TNFRSF14: variants seen among roughly 807,000 people sequenced by gnomAD.
The protein encoded by TNFRSF14 is TNF receptor superfamily member 14, also known as tumor necrosis factor receptor superfamily member 14.
Under a neutral mutation model 34.1 loss-of-function variants are expected in TNFRSF14, and 18 were observed. The ratio of observed to expected loss-of-function variants is 0.53; its 90% CI spans 0.36 to 0.78. The LOEUF (loss-of-function observed/expected upper bound fraction) is 0.78. TNFRSF14 is among the 30% of genes least tolerant of loss of function. TNFRSF14 has a pLI of 0.00. For missense variants in TNFRSF14, 352 were observed against 379.5 expected (o/e 0.93, Z 0.60); for synonymous variants, 157 against 153.2 (o/e 1.02, Z -0.18).
At position 2,560,607 on chromosome 1, in the gene TNFRSF14, C is replaced by T. The variant is rs750461983; in HGVS notation, c.461-17C>T. 16 of 1,607,804 alleles carry T rather than the reference C, an allele frequency of 1.0e-5. No individual in the cohort carries two copies. Among genetic ancestry groups the T allele is most frequent in the African/African-American group, 6.7e-5 (5 of 74,688 alleles). Reference sequence around the variant, plus strand: ...CCTGGTGCCCTCAGCCCCCTCTGTCCGTCCCTCTCTTCTCAGGCACCGAGA... The same window carrying T: ...CCTGGTGCCCTCAGCCCCCTCTGTCTGTCCCTCTCTTCTCAGGCACCGAGA... On this transcript the variant is annotated splice_polypyrimidine_tract_variant and intron_variant, in intron 4 of 7. Coordinates refer to ENST00000355716, the MANE Select transcript of TNFRSF14 (RefSeq NM_003820.4).
At chr1:2,558,197 C>G in intron 2 of TNFRSF14, 146 bp from the exon 3 acceptor site, 2 of 1,232,580 alleles carry the variant, frequency 1.6e-6, no homozygotes, top group Non-Finnish European at 1.1e-6. Flanking sequence ...GCTGATGGGG[C>G]TGCTGTGTCC....
At chr1:2,560,510 C>G in intron 4 of TNFRSF14, 114 bp from the exon 5 acceptor site, 2 of 730,852 alleles carry the variant, frequency 2.7e-6, no homozygotes, top group South Asian at 1.8e-5. Context: ...CGCTGGTCCT[C>G]CCATCACCCG....
At chr1:2,562,927 C>T (rs148926321) in intron 7 of TNFRSF14, 31 bp downstream of exon 7, 3 of 1,596,274 alleles carry the variant, frequency 1.9e-6, no homozygotes, top group East Asian at 4.5e-5. Context: ...CTCCCTCCCC[C>T]CTCCACCTTC....
At position 2,559,586 on chromosome 1, in the gene TNFRSF14, C is replaced by T. The variant is rs1424340893; in HGVS notation, c.305-237C>T. ...GGCTGGTTTCTCCCATCAACGAAGC[C>T]CTCCCAGGACCTTCCTGCAAGCCCT... On this transcript the variant is annotated intron_variant, in intron 3 of 7. Transcript: ENST00000355716. 5 of 1,531,560 alleles carry T rather than the reference C, an allele frequency of 3.3e-6. No individual in the cohort carries two copies. In the South Asian group the frequency reaches 4.8e-5, roughly 15 times the overall value. 94.9% of individuals were successfully genotyped at this position (1,531,560 alleles called of 1,614,324 possible).
intron 3 of TNFRSF14, 42 bp from the exon 4 acceptor site, chr1:2,559,781 G>A (rs922125592): frequency 1.4e-5 from 22 of 1,580,336 alleles, no homozygotes; most frequent in South Asian, 4.6e-5. Context: ...ATGGTGTCCC[G>A]GCCTCCACGT....
chr1:2,562,423 C>G (rs1414889550), intron 6 of TNFRSF14: 1 of 253,660 alleles, frequency 3.9e-6, no homozygotes, highest in Non-Finnish European at 7.7e-6. Context: ...GCAGCAAAGC[C>G]ACCTGATCCT....
intron 6 of TNFRSF14, chr1:2,562,323 G>A (rs1644322108): frequency 4.7e-6 from 1 of 211,036 alleles, no homozygotes; most frequent in Non-Finnish European, 9.6e-6. Context: ...CCCGGCTGTG[G>A]CCCTGGGAGC....
chr1:2,560,537 A>T, intron 4 of TNFRSF14, 87 bp from the exon 5 acceptor site: 1 of 974,690 alleles, frequency 1.0e-6, no homozygotes, highest in Non-Finnish European at 1.6e-6. Flanking sequence ...ACCCAGGTCT[A>T]GAAGCTCACA....
intron 2 of TNFRSF14, 37 bp downstream of exon 2, chr1:2,557,871 C>A: frequency 6.6e-7 from 1 of 1,520,384 alleles, no homozygotes; most frequent in South Asian, 1.2e-5. Flanking sequence ...CTCTGTGGGC[C>A]GAGGGCAGAC....
Position 2,558,353 on chromosome 1 carries a change from G to A in TNFRSF14, c.189G>A (p.Val63=), listed in dbSNP as rs1333562587. ...CCPKCSPGYR[V]KEACGELTGT... The stretch of plus-strand genomic sequence containing the variant: ...CTCTCTGGGCGGCAGGTTATCGTGT[G>A]AAGGAGGCCTGCGGGGAGCTGACGG... The change falls in exon 3 of 8, where the codon GTG becomes GTA. Residue 63 remains valine, a synonymous_variant. Coordinates refer to ENST00000355716, the MANE Select transcript of TNFRSF14 (RefSeq NM_003820.4). 2 of 1,605,934 alleles carry A rather than the reference G, an allele frequency of 1.2e-6. No individual in the cohort carries two copies. Among genetic ancestry groups the A allele is most frequent in the Non-Finnish European group, 1.7e-6 (2 of 1,177,036 alleles).
rs1291036725 is a variant in TNFRSF14, at chr1:2,561,974, G to C, written c.694+159G>C. 2 of 818,960 alleles carry C rather than the reference G, an allele frequency of 2.4e-6. No homozygotes were observed. Among genetic ancestry groups the C allele is most frequent in the Non-Finnish European group, 3.9e-6 (2 of 519,402 alleles). 50.7% of individuals were successfully genotyped at this position (818,960 alleles called of 1,614,324 possible). The stretch of plus-strand genomic sequence containing the variant: ...CTGGGGCAGGTGGGCTTTCTGCTGT[G>C]GCCAGAGCCCAGGTGTCAGCTGGCC... On this transcript the variant is annotated intron_variant, in intron 6 of 7. Coordinates refer to ENST00000355716, the MANE Select transcript of TNFRSF14 (RefSeq NM_003820.4). The surrounding 1 kb of genome is among the most constrained non-coding windows in gnomAD (Gnocchi z 6.0).
intron 6 of TNFRSF14, 185 bp from the exon 7 acceptor site, chr1:2,562,680 G>A: frequency 1.3e-6 from 1 of 785,912 alleles, no homozygotes. Context: ...CCTGGGGACA[G>A]GCTGGGCTAG....
At position 2,562,892 on chromosome 1, in the gene TNFRSF14, TCCAG is replaced by T; in HGVS notation, c.723_726del (p.Gln242GlyfsTer59). 6.2e-7 allele frequency: 1 copy of T among 1,613,766 alleles called. No homozygotes were observed. Among genetic ancestry groups the T allele is most frequent in the Non-Finnish European group, 8.5e-7 (1 of 1,179,900 alleles). On this transcript the variant is annotated frameshift_variant and splice_region_variant, in exon 7 of 8. Transcript: ENST00000355716. LOFTEE classifies it low-confidence loss of function (END_TRUNC). ...GATGTAGTCAAGGTGATCGTCTCCG[TCCAG>T]GTATTGATCCTCCTCCCCCTCTCCC...
chr1:2,561,469 C>A lies in TNFRSF14; in HGVS notation c.552-204C>A. The A allele has an allele frequency of 6.7e-7, 1 of 1,498,608 alleles. No individual in the cohort carries two copies. Among genetic ancestry groups the A allele is most frequent in the Non-Finnish European group, 8.9e-7 (1 of 1,119,618 alleles). The allele number at this position is 1,498,608 out of a possible 1,614,324, so 92.8% of individuals were successfully genotyped here. The stretch of plus-strand genomic sequence containing the variant: ...GTCTCTCCTTGTTTCTCTTCTCCTC[C>A]TTCCTTCTCTCCACCTCCCCATAGC... On this transcript the variant is annotated intron_variant, in intron 5 of 7. Transcript: ENST00000355716. This position sits in a 1 kb window ranked among gnomAD's most constrained non-coding sequence, Gnocchi z 6.0.
In TNFRSF14 at chr1:2,558,268, C is replaced by T. The variant is rs187201052; in HGVS notation, c.179-75C>T. On this transcript the variant is annotated intron_variant, in intron 2 of 7. Coordinates refer to ENST00000355716, the MANE Select transcript of TNFRSF14 (RefSeq NM_003820.4). Reference sequence around the variant, plus strand: ...GGTGTCTCCCTGCTTGGGCTCTGGGCGCGGGTGGAGTGATGGGTGGGCTCC... The same window carrying T: ...GGTGTCTCCCTGCTTGGGCTCTGGGTGCGGGTGGAGTGATGGGTGGGCTCC... 3.0e-5 allele frequency: 46 copies of T among 1,529,304 alleles called. No individual in the cohort carries two copies. In the Admixed American group the frequency reaches 3.6e-4, roughly 12 times the overall value. 94.7% of individuals were successfully genotyped at this position (1,529,304 alleles called of 1,614,324 possible). A position where few individuals can be genotyped will look rare whatever the true frequency, so the allele number is the denominator to read the frequency against.
chr1:2,562,114 C>T (rs1644318853), intron 6 of TNFRSF14: 1 of 474,122 alleles, frequency 2.1e-6, no homozygotes, highest in African/African-American at 1.9e-5. Flanking sequence ...GGGAGCAGGA[C>T]AGGCCCTGCT....
Position 2,561,974 on chromosome 1 carries a change from G to A in TNFRSF14, c.694+159G>A. On this transcript the variant is annotated intron_variant, in intron 6 of 7. Transcript: ENST00000355716. The surrounding 1 kb of genome is among the most constrained non-coding windows in gnomAD (Gnocchi z 6.0). ...CTGGGGCAGGTGGGCTTTCTGCTGT[G>A]GCCAGAGCCCAGGTGTCAGCTGGCC... 1.2e-6 allele frequency: 1 copy of A among 819,078 alleles called. No individual in the cohort carries two copies. The highest frequency in any genetic ancestry group is 1.9e-6 in the Non-Finnish European group (1 of 519,394). The allele number at this position is 819,078 out of a possible 1,614,324, so 50.7% of individuals were successfully genotyped here.
intron 6 of TNFRSF14, 119 bp from the exon 7 acceptor site, chr1:2,562,743 GGAC>G: frequency 7.8e-7 from 1 of 1,286,454 alleles, no homozygotes; most frequent in Non-Finnish European, 1.1e-6. Flanking sequence ...AGTCCCTTGG[GGAC>G]GGTCTCCCAG....
intron 3 of TNFRSF14, chr1:2,559,239 C>T (rs1444545144): frequency 7.3e-7 from 1 of 1,369,966 alleles, no homozygotes; most frequent in Non-Finnish European, 9.6e-7. Flanking sequence ...GCTCACACCT[C>T]AACCTGCATG....
Sources: allele counts gnomAD v4.1 joint callset, GRCh38; gene constraint gnomAD v4.1.1; non-coding constraint Gnocchi (gnomAD v3.1); transcripts MANE v1.5; gene names NCBI Gene and HGNC (gene_info 2026-07-23, HGNC 2026-07-21).